CNTN4: variants seen among roughly 807,000 people sequenced by gnomAD.
CNTN4 encodes the protein contactin 4, also known as contactin-4.
Under a neutral mutation model 122.5 loss-of-function variants are expected in CNTN4, and 77 were observed. The observed-to-expected ratio is 0.63, with a 90% CI of 0.52 to 0.76. The LOEUF (loss-of-function observed/expected upper bound fraction) is 0.76, where lower values mean the gene tolerates loss of function less well. Ranked by LOEUF, CNTN4 falls within the 30% of genes least tolerant of loss-of-function variation. CNTN4 has a pLI of 0.00. For synonymous variants in CNTN4, 512 were observed against 447.0 expected, an observed-to-expected ratio of 1.15 and a Z score of -1.83; for missense variants, 1,256 against 1,259.1, an observed-to-expected ratio of 1.00 and a Z score of 0.04.
intron 3 of CNTN4, among the ~76,000 whole-genome samples, chr3:2,343,935 G>A (rs2044301233): frequency 6.6e-6 from 1 of 152,146 alleles, no homozygotes; most frequent in Non-Finnish European, 1.5e-5. Context: ...AGAGGGCAAA[G>A]GGGCAGCAGG....
At chr3:2,112,185 C>G (rs1349997360) in intron 2 of CNTN4, among the ~76,000 whole-genome samples, 3 of 152,158 alleles carry the variant, frequency 2.0e-5, no homozygotes, top group Non-Finnish European at 4.4e-5. Context: ...TGAATAGGCT[C>G]TCATCTGTAT....
intron 10 of CNTN4, among the ~76,000 whole-genome samples, chr3:2,893,595 C>T (rs910307296): frequency 2.6e-5 from 4 of 151,816 alleles, no homozygotes; most frequent in Non-Finnish European, 5.9e-5. Flanking sequence ...GCAAACGTTG[C>T]GAATAATAGA....
intron 3 of CNTN4, among the ~76,000 whole-genome samples, chr3:2,368,998 C>T (rs755483110): frequency 2.0e-5 from 3 of 152,148 alleles, no homozygotes; most frequent in Non-Finnish European, 4.4e-5. Flanking sequence ...GATCTCGGCT[C>T]CCTGCAACCT....
intron 2 of CNTN4, among the ~76,000 whole-genome samples, chr3:2,124,047 A>G (rs1574881262): frequency 6.6e-6 from 1 of 152,230 alleles, no homozygotes; most frequent in Non-Finnish European, 1.5e-5. Flanking sequence ...CAAAGATGCC[A>G]GAAGACTGTG....
intron 3 of CNTN4, among the ~76,000 whole-genome samples, chr3:2,555,462 A>G (rs762789681): frequency 2.6e-5 from 4 of 152,234 alleles, no homozygotes; most frequent in African/African-American, 9.6e-5. Flanking sequence ...CATGGATAGT[A>G]GCAAAGGCAT....
At chr3:2,847,776 C>A (rs922839815) in intron 7 of CNTN4, among the ~76,000 whole-genome samples, 1 of 152,194 alleles carries the variant, frequency 6.6e-6, no homozygotes, top group African/African-American at 2.4e-5. Context: ...GAATGTCCAC[C>A]ACCATGCATC....
intron 13 of CNTN4, among the ~76,000 whole-genome samples, chr3:2,956,037 G>A (rs1208958923): frequency 6.6e-6 from 1 of 152,162 alleles, no homozygotes; most frequent in Non-Finnish European, 1.5e-5. Context: ...AGTGGAAACA[G>A]CCCAAATGTC....
chr3:2,174,930 C>T (rs1390132447), intron 2 of CNTN4, among the ~76,000 whole-genome samples: 1 of 152,070 alleles, frequency 6.6e-6, no homozygotes, highest in African/African-American at 2.4e-5. Flanking sequence ...CAGCACGAAG[C>T]CATGAGGGAT....
chr3:2,448,517 G>T (rs141403080), intron 3 of CNTN4, among the ~76,000 whole-genome samples: 2 of 152,192 alleles, frequency 1.3e-5, no homozygotes, highest in East Asian at 3.9e-4. Flanking sequence ...TTCTCCCCAG[G>T]ATCTAAATTG....
intron 7 of CNTN4, among the ~76,000 whole-genome samples, chr3:2,842,743 C>T (rs1447498565): frequency 6.6e-6 from 1 of 152,186 alleles, no homozygotes; most frequent in Non-Finnish European, 1.5e-5. Flanking sequence ...GCATTCAATA[C>T]AGCTGCTCTC....
At chr3:2,116,219 T>A (rs2033340626) in intron 2 of CNTN4, among the ~76,000 whole-genome samples, 1 of 152,114 alleles carries the variant, frequency 6.6e-6, no homozygotes. Flanking sequence ...ACTGTTATCC[T>A]CCATAATTAA....
intron 4 of CNTN4, among the ~76,000 whole-genome samples, chr3:2,690,733 T>TA (rs995006283): frequency 6.6e-6 from 1 of 152,088 alleles, no homozygotes; most frequent in Non-Finnish European, 1.5e-5. Flanking sequence ...ACTTCAGCTG[T>TA]AAAAAATCAA....
At chr3:2,384,444 A>G (rs1394212876) in intron 3 of CNTN4, among the ~76,000 whole-genome samples, 2 of 152,206 alleles carry the variant, frequency 1.3e-5, no homozygotes, top group Non-Finnish European at 2.9e-5. Context: ...ATTGTGGGGA[A>G]AAAGCAAGGG....
chr3:2,104,807 C>T (rs2032297660), intron 2 of CNTN4, among the ~76,000 whole-genome samples: 1 of 152,164 alleles, frequency 6.6e-6, no homozygotes, highest in Non-Finnish European at 1.5e-5. Context: ...CCAATGAAAG[C>T]ATGTGAGAAA....
In CNTN4 at chr3:2,324,458, G is replaced by A. The variant is rs548242963; in HGVS notation, c.-144-14720G>A. Among the ~76,000 whole-genome samples the A allele has an allele frequency of 2.3e-4, 35 of 152,132 alleles. 1 individual carries two copies. In the South Asian group the frequency reaches 7.1e-3, roughly 31 times the overall value. ...TATCCTATATCCAGAAGCATAAGAC[G>A]GTAACTTAAAATCTGACTGTTTTAT... is the stretch of plus-strand genomic sequence containing the variant. On this transcript the variant is annotated intron_variant, in intron 2 of 24. Transcript: ENST00000418658.
intron 3 of CNTN4, among the ~76,000 whole-genome samples, chr3:2,520,184 TA>T (rs1426553182): frequency 6.6e-6 from 1 of 151,948 alleles, no homozygotes; most frequent in Non-Finnish European, 1.5e-5. Context: ...TTAATATTTT[TA>T]TTTCTACTGG....
At chr3:2,425,141 T>C (rs1296018079) in intron 3 of CNTN4, among the ~76,000 whole-genome samples, 1 of 152,206 alleles carries the variant, frequency 6.6e-6, no homozygotes, top group Non-Finnish European at 1.5e-5. Context: ...ATGAAGTGCT[T>C]GCCCATTCCT....
chr3:2,675,787 C>T (rs763322663), intron 4 of CNTN4, among the ~76,000 whole-genome samples: 5 of 152,196 alleles, frequency 3.3e-5, no homozygotes, highest in Non-Finnish European at 7.3e-5. Context: ...GCTCTTCCTA[C>T]TGTTACCATG....
chr3:2,413,092 C>T (rs768082629), intron 3 of CNTN4, among the ~76,000 whole-genome samples: 3 of 152,102 alleles, frequency 2.0e-5, no homozygotes, highest in Admixed American at 6.5e-5. Flanking sequence ...ACATATGCAT[C>T]GTTAAAATGT....
Sources: gnomAD v4.1 joint callset for allele counts (sites outside exome capture counted in the v4.1 genomes callset) on GRCh38, gnomAD v4.1.1 for gene constraint, MANE v1.5 for transcripts, NCBI Gene and HGNC (gene_info 2026-07-23, HGNC 2026-07-21) for gene names.